The following ADAM18 variants were observed in gnomAD, a reference collection of about 807,000 sequenced individuals.
ADAM18 encodes disintegrin and metalloproteinase domain-containing protein 18.
In ADAM18, 117 loss-of-function variants were observed where a neutral mutation model predicts 94.4. The ratio of observed to expected loss-of-function variants is 1.24; its 90% CI spans 1.07 to 1.45. ADAM18 has a LOEUF of 1.45. Ranked by LOEUF, ADAM18 falls within the 40% of genes most tolerant of loss-of-function variation. ADAM18 has a pLI of 0.00. For missense variants in ADAM18, 936 were observed against 880.0 expected (o/e 1.06, Z -0.81); for synonymous variants, 327 against 291.6 (o/e 1.12, Z -1.24).
intron 2 of ADAM18, among the ~76,000 whole-genome samples, chr8:39,597,404 T>C (rs559113050): frequency 3.3e-5 from 5 of 152,326 alleles, no homozygotes; most frequent in African/African-American, 1.2e-4. Flanking sequence ...TTTATAGTTG[T>C]GTATTTTACA....
intron 17 of ADAM18, among the ~76,000 whole-genome samples, chr8:39,693,876 G>T (rs1176147173): frequency 1.3e-5 from 2 of 151,156 alleles, no homozygotes; most frequent in African/African-American, 4.8e-5. Flanking sequence ...AATTTGCATA[G>T]ACTTTCTAAT....
intron 11 of ADAM18, among the ~76,000 whole-genome samples, chr8:39,647,370 CA>C (rs1282099092): frequency 2.0e-5 from 3 of 152,254 alleles, no homozygotes; most frequent in African/African-American, 7.2e-5. Context: ...TAAAGAATAA[CA>C]AGGCAGCATA....
At chr8:39,709,521 T>C (rs1470419408) in intron 18 of ADAM18, among the ~76,000 whole-genome samples, 2 of 152,232 alleles carry the variant, frequency 1.3e-5, no homozygotes, top group Admixed American at 6.5e-5. Context: ...TCAGCCTTAG[T>C]TGGGGACCTG....
chr8:39,680,129 A>T lies in ADAM18; in HGVS notation c.1724A>T (p.Asp575Val), dbSNP rs752586764. ...AQSTVYSYIQ[D>V]HVCVSIATGS... is the part of the protein sequence containing the mutation. ...TCTACAGTTTATTCATATATTCAAG[A>T]CCATGTATGTGTATCTATAGCCACT... The change falls in exon 16 of 20, where the codon GAC (aspartate) becomes GTC (valine). Residue 575 changes from aspartate to valine, a missense_variant. Coordinates refer to ENST00000265707, the MANE Select transcript of ADAM18 (RefSeq NM_014237.3). 13 of 1,613,880 alleles carry T rather than the reference A, an allele frequency of 8.1e-6. No homozygotes were observed. In the South Asian group the frequency reaches 9.9e-5, roughly 12 times the overall value.
chr8:39,626,082 A>G (rs958577364), intron 6 of ADAM18, among the ~76,000 whole-genome samples: 2 of 152,126 alleles, frequency 1.3e-5, no homozygotes, highest in Non-Finnish European at 2.9e-5. Flanking sequence ...TTAGTGACTC[A>G]ATCTCACTGA....
intron 18 of ADAM18, 90 bp downstream of exon 18, chr8:39,706,994 T>A: frequency 1.4e-6 from 1 of 699,010 alleles, no homozygotes; most frequent in Non-Finnish European, 2.4e-6. Context: ...AATGGTAGCT[T>A]CATCTACATT....
At chr8:39,601,322 T>C (rs1349773050) in intron 2 of ADAM18, among the ~76,000 whole-genome samples, 4 of 152,236 alleles carry the variant, frequency 2.6e-5, no homozygotes, top group African/African-American at 9.6e-5. Context: ...TGGTGGCACT[T>C]TGCTCTCAGT....
intron 18 of ADAM18, among the ~76,000 whole-genome samples, chr8:39,714,778 T>C (rs1171542150): frequency 6.6e-6 from 1 of 152,100 alleles, no homozygotes; most frequent in Admixed American, 6.6e-5. Context: ...AAACTGTGAC[T>C]TGAAATGAAA....
chr8:39,689,541 C>T (rs1051594092), intron 16 of ADAM18, among the ~76,000 whole-genome samples: 1 of 152,088 alleles, frequency 6.6e-6, no homozygotes, highest in East Asian at 1.9e-4. Context: ...CTGTTCTGTT[C>T]CTTTGGTCTC....
intron 12 of ADAM18, among the ~76,000 whole-genome samples, chr8:39,660,357 T>C (rs917433583): frequency 6.6e-6 from 1 of 152,166 alleles, no homozygotes; most frequent in Admixed American, 6.5e-5. Flanking sequence ...TCCAGGAGCC[T>C]AGCTTTAGCT....
In ADAM18 at chr8:39,708,916, G is replaced by A. The variant is rs181589636; in HGVS notation, c.2017+2012G>A. 3.7e-4 allele frequency among the ~76,000 whole-genome samples: 57 copies of A among 152,338 alleles called. No individual in the cohort carries two copies. In the East Asian group the frequency reaches 0.01, roughly 28 times the overall value. ...GGGCCCTGCGCCCGCATCTGGAGAG[G>A]TTCCAGTGACCCTTGAAGCTCCAGA... On this transcript the variant is annotated intron_variant, in intron 18 of 19. Transcript: ENST00000265707.
At position 39,698,737 on chromosome 8, in the gene ADAM18, G is replaced by T. The variant is rs574176517; in HGVS notation, c.1902+6057G>T. On this transcript the variant is annotated intron_variant, in intron 17 of 19. Transcript: ENST00000265707. ...TTTTCTCTTGGCAGAAATAGTGTGGGTCTGATTAGTTTAAATCCATTTATG... is the reference window on the plus strand; with the variant it reads ...TTTTCTCTTGGCAGAAATAGTGTGGTTCTGATTAGTTTAAATCCATTTATG... Among the ~76,000 whole-genome samples, 6 of 152,048 alleles carry T rather than the reference G, an allele frequency of 3.9e-5. No homozygotes were observed. The South Asian group carries it at 1.2e-3, about 32-fold the overall frequency.
chr8:39,593,557 A>G (rs1462085277), intron 2 of ADAM18, among the ~76,000 whole-genome samples: 1 of 152,168 alleles, frequency 6.6e-6, no homozygotes, highest in East Asian at 1.9e-4. Context: ...CATGTAGACC[A>G]ATAGAAGAGA....
intron 19 of ADAM18, among the ~76,000 whole-genome samples, chr8:39,729,207 C>T (rs1424542282): frequency 6.6e-6 from 1 of 152,034 alleles, no homozygotes; most frequent in Non-Finnish European, 1.5e-5. Flanking sequence ...AGGAGTTATT[C>T]TTTACTGAGC....
chr8:39,625,593 G>A (rs940608008), intron 6 of ADAM18, among the ~76,000 whole-genome samples: 2 of 152,010 alleles, frequency 1.3e-5, no homozygotes, highest in Non-Finnish European at 2.9e-5. Flanking sequence ...AGTAGTGAAA[G>A]TATCCTTCTT....
intron 6 of ADAM18, among the ~76,000 whole-genome samples, chr8:39,613,744 A>T (rs1181624225): frequency 6.6e-6 from 1 of 152,210 alleles, no homozygotes; most frequent in Non-Finnish European, 1.5e-5. Flanking sequence ...TTAAACAATG[A>T]GGAAGTGAAA....
chr8:39,635,948 A>G (rs1223405946), intron 7 of ADAM18, among the ~76,000 whole-genome samples: 1 of 151,794 alleles, frequency 6.6e-6, no homozygotes, highest in Non-Finnish European at 1.5e-5. Flanking sequence ...TGATTTTTGT[A>G]CAAATGCCTT....
At chr8:39,696,443 T>C (rs910336795) in intron 17 of ADAM18, among the ~76,000 whole-genome samples, 2 of 151,576 alleles carry the variant, frequency 1.3e-5, no homozygotes, top group African/African-American at 4.8e-5. Context: ...AAAGAAATCA[T>C]CAAATCTAAT....
intron 18 of ADAM18, among the ~76,000 whole-genome samples, chr8:39,716,295 T>C (rs370230083): frequency 6.6e-6 from 1 of 152,022 alleles, no homozygotes; most frequent in Admixed American, 6.6e-5. Context: ...GGTTGTTTAT[T>C]TGAAATCTTT....
Sources: gnomAD v4.1 joint callset for allele counts (sites outside exome capture counted in the v4.1 genomes callset) on GRCh38, gnomAD v4.1.1 for gene constraint, MANE v1.5 for transcripts, NCBI Gene and HGNC (gene_info 2026-07-23, HGNC 2026-07-21) for gene names.